ARID2: variants seen among roughly 807,000 people sequenced by gnomAD.
ARID2 encodes the protein AT-rich interaction domain 2.
ARID2 carries 32 observed loss-of-function variants against 184.6 expected under a neutral mutation model. The ratio of observed to expected loss-of-function variants is 0.17; its 90% confidence interval spans 0.13 to 0.23. The LOEUF is 0.23. ARID2 is among the 10% of genes least tolerant of loss of function. The pLI is 1.00. For missense variants in ARID2, 1,696 were observed against 2,197.6 expected (o/e 0.77, Z 4.56); for synonymous variants, 836 against 772.6 (o/e 1.08, Z -1.36).
At chr12:45,747,216 CTTTTTA>C (rs982597757) in intron 3 of ARID2, among the ~76,000 whole-genome samples, 4 of 152,074 alleles carry the variant, frequency 2.6e-5, no homozygotes, top group Non-Finnish European at 5.9e-5. Context: ...GGGATTGTGG[CTTTTTA>C]TTTTTATTTA....
At chr12:45,890,493 T>C (rs1944283439) in intron 16 of ARID2, among the ~76,000 whole-genome samples, 1 of 152,208 alleles carries the variant, frequency 6.6e-6, no homozygotes, top group South Asian at 2.1e-4. Flanking sequence ...CTTGTGGCAA[T>C]AACTAGTATG....
chr12:45,851,770 C>T lies in ARID2; in HGVS notation c.3647C>T (p.Thr1216Met), dbSNP rs369610372. 3.5e-5 allele frequency: 56 copies of T among 1,613,938 alleles called. No individual in the cohort carries two copies. Among genetic ancestry groups the T allele is most frequent in the Non-Finnish European group, 4.2e-5 (50 of 1,179,994 alleles). ...ACAGGAGTTGGACTTCCAGTACAAA[C>T]GCTTCCAGCCACTCAAGCATCTCCT... ...TQTGVGLPVQ[T>M]LPATQASPAG... is the part of the protein sequence containing the mutation. The change falls in exon 15 of 21, where the codon ACG becomes ATG. Residue 1216 changes from threonine (T) to methionine (M), a missense_variant. Around this residue, in one of 11 missense-constraint regions of ARID2, gnomAD observed 428 missense variants for 409.1 expected, o/e 1.05. Coordinates refer to ENST00000334344, the MANE Select transcript of ARID2 (RefSeq NM_152641.4).
At chr12:45,854,541 A>G (rs1429656572) in intron 15 of ARID2, among the ~76,000 whole-genome samples, 1 of 152,210 alleles carries the variant, frequency 6.6e-6, no homozygotes, top group Non-Finnish European at 1.5e-5. Context: ...TGCAATGTGG[A>G]GTATATAGTA....
chr12:45,876,653 A>G (rs1279072753), intron 16 of ARID2, among the ~76,000 whole-genome samples: 1 of 152,146 alleles, frequency 6.6e-6, no homozygotes, highest in African/African-American at 2.4e-5. Flanking sequence ...GATCACTATA[A>G]CAGATATAGT....
At chr12:45,816,420 A>G (rs890554445) in intron 4 of ARID2, among the ~76,000 whole-genome samples, 1 of 152,238 alleles carries the variant, frequency 6.6e-6, no homozygotes, top group African/African-American at 2.4e-5. Context: ...TAGAACTGAC[A>G]GTATTAAGTG....
intron 3 of ARID2, among the ~76,000 whole-genome samples, chr12:45,770,226 C>G (rs1941845513): frequency 6.6e-6 from 1 of 151,696 alleles, no homozygotes; most frequent in Non-Finnish European, 1.5e-5. Flanking sequence ...GCACTCCAGC[C>G]TGGGCGACAG....
intron 16 of ARID2, among the ~76,000 whole-genome samples, chr12:45,871,600 G>T (rs1435456488): frequency 2.0e-5 from 3 of 152,122 alleles, no homozygotes; most frequent in Non-Finnish European, 4.4e-5. Context: ...TTTGGTAATA[G>T]GGTTATGCTG....
intron 3 of ARID2, among the ~76,000 whole-genome samples, chr12:45,781,155 A>G (rs1398712181): frequency 1.3e-5 from 2 of 150,944 alleles, no homozygotes; most frequent in Non-Finnish European, 2.9e-5. Context: ...TTATTATCTT[A>G]AAGTTTCTGT....
At chr12:45,778,359 C>G (rs1280097717) in intron 3 of ARID2, among the ~76,000 whole-genome samples, 5 of 152,124 alleles carry the variant, frequency 3.3e-5, no homozygotes, top group African/African-American at 1.2e-4. Flanking sequence ...TTCAGGGTAT[C>G]TAACCTCATC....
chr12:45,797,512 T>G (rs911739606), intron 3 of ARID2, among the ~76,000 whole-genome samples: 6 of 152,144 alleles, frequency 3.9e-5, no homozygotes, highest in Non-Finnish European at 8.8e-5. Flanking sequence ...GGCATTACAG[T>G]TGTGAGCCAC....
At chr12:45,834,933 T>A (rs1372672026) in intron 6 of ARID2, among the ~76,000 whole-genome samples, 2 of 152,212 alleles carry the variant, frequency 1.3e-5, no homozygotes, top group Non-Finnish European at 2.9e-5. Context: ...AATAATTTTC[T>A]GCCCTTACAT....
intron 6 of ARID2, among the ~76,000 whole-genome samples, chr12:45,834,086 C>A (rs1489297369): frequency 6.6e-6 from 1 of 152,076 alleles, no homozygotes; most frequent in Non-Finnish European, 1.5e-5. Context: ...ATTGGAATAA[C>A]CTCATTTGTT....
At chr12:45,904,285 A>G (rs1565646762) in intron 20 of ARID2, 5 of 707,902 alleles carry the variant, frequency 7.1e-6, no homozygotes, top group Non-Finnish European at 1.3e-5. Context: ...ATCCCTTAAA[A>G]GCAACCATTT....
intron 20 of ARID2, among the ~76,000 whole-genome samples, chr12:45,898,560 G>C (rs1944400643): frequency 6.6e-6 from 1 of 152,176 alleles, no homozygotes; most frequent in South Asian, 2.1e-4. Context: ...AAATATTCTA[G>C]AATTGTGGTG....
intron 3 of ARID2, among the ~76,000 whole-genome samples, chr12:45,740,413 G>A (rs1303351197): frequency 6.6e-6 from 1 of 151,626 alleles, no homozygotes; most frequent in Non-Finnish European, 1.5e-5. Flanking sequence ...ATGTGATGGT[G>A]TGCACACTCA....
chr12:45,846,820 T>C (rs1943451929), intron 11 of ARID2, 36 bp from the exon 12 acceptor site: 1 of 1,603,278 alleles, frequency 6.2e-7, no homozygotes, highest in Non-Finnish European at 8.5e-7. Context: ...GACTAACTTT[T>C]AAGAAATGAT....
intron 3 of ARID2, among the ~76,000 whole-genome samples, chr12:45,796,219 A>C (rs1252638441): frequency 1.3e-5 from 2 of 151,990 alleles, no homozygotes; most frequent in Non-Finnish European, 2.9e-5. Context: ...TTCACTTACA[A>C]ATATTTAAAT....
chr12:45,804,523 T>C (rs550658570), intron 3 of ARID2, among the ~76,000 whole-genome samples: 1 of 151,720 alleles, frequency 6.6e-6, no homozygotes, highest in South Asian at 2.1e-4. Context: ...TATGTAGTCT[T>C]TTTTTTAACT....
intron 3 of ARID2, among the ~76,000 whole-genome samples, chr12:45,769,944 G>C (rs1941837417): frequency 6.6e-6 from 1 of 152,128 alleles, no homozygotes; most frequent in Non-Finnish European, 1.5e-5. Flanking sequence ...TCTGTATTCA[G>C]GAAATCTGTC....
Sources: allele counts gnomAD v4.1 joint callset (sites outside exome capture counted in the v4.1 genomes callset), GRCh38; gene constraint gnomAD v4.1.1; regional missense constraint gnomAD v4.1.1; transcripts MANE v1.5; gene names NCBI Gene and HGNC (gene_info 2026-07-23, HGNC 2026-07-21).